NALCN: variants seen among roughly 807,000 people sequenced by gnomAD.
The protein encoded by NALCN is sodium leak channel, non-selective.
NALCN carries 111 observed loss-of-function variants against 225.3 expected under a neutral mutation model. The ratio of observed to expected loss-of-function variants is 0.49; its 90% confidence interval spans 0.42 to 0.58. The LOEUF is 0.58. Among genes scored for constraint, NALCN ranks in the 20% least tolerant of loss-of-function variants. NALCN has a pLI of 0.00. For synonymous variants in NALCN, 764 were observed against 769.0 expected, an observed-to-expected ratio of 0.99 and a Z score of 0.11; for missense variants, 1,378 against 2,202.4, an observed-to-expected ratio of 0.63 and a Z score of 7.49.
At chr13:101,246,182 C>A (rs1042078369) in intron 11 of NALCN, among the ~76,000 whole-genome samples, 8 of 152,106 alleles carry the variant, frequency 5.3e-5, no homozygotes, top group Non-Finnish European at 8.8e-5. Context: ...AGACCCTCTA[C>A]CAGTAACAAC....
At chr13:101,416,901 G>A (rs1278655140), upstream of NALCN, among the ~76,000 whole-genome samples, 1 of 152,158 alleles carries the variant, frequency 6.6e-6, no homozygotes, top group African/African-American at 2.4e-5. Flanking sequence ...GACTGTGCAC[G>A]GTACCGAGGA....
At chr13:101,343,963 G>A (rs2045637524) in intron 7 of NALCN, among the ~76,000 whole-genome samples, 1 of 152,158 alleles carries the variant, frequency 6.6e-6, no homozygotes. Context: ...ACCCTGGAAT[G>A]GTGACCACTC....
At chr13:101,085,705 C>A (rs2033897221) in intron 30 of NALCN, among the ~76,000 whole-genome samples, 1 of 152,012 alleles carries the variant, frequency 6.6e-6, no homozygotes, top group Non-Finnish European at 1.5e-5. Flanking sequence ...ATAATAAAGG[C>A]AAAAACATTA....
At chr13:101,279,831 TAAATAAA>T (rs2043100313) in intron 10 of NALCN, among the ~76,000 whole-genome samples, 1 of 91,400 alleles carries the variant, frequency 1.1e-5, no homozygotes, top group Non-Finnish European at 2.6e-5. Context: ...AATAAATAAA[TAAATAAA>T]ATAAATAAAT....
In NALCN at chr13:101,399,134, T is replaced by C. The variant is rs781661038; in HGVS notation, c.-8A>G. On this transcript the variant is annotated 5_prime_UTR_variant, in exon 2 of 44. The change abolishes the stop of an existing upstream ORF in the 5' untranslated region. Transcript: ENST00000251127. ...CTGCTTCCTTTTGAGCATGCTGAGG[T>C]TAGCTTTGGTGAGCAAGCACAAAAC... 3 of 1,612,654 alleles carry C rather than the reference T, an allele frequency of 1.9e-6. No individual in the cohort carries two copies. The highest frequency in any genetic ancestry group is 2.5e-6 in the Non-Finnish European group (3 of 1,179,242).
At chr13:101,185,453 A>C (rs1193212295) in intron 14 of NALCN, among the ~76,000 whole-genome samples, 1 of 152,242 alleles carries the variant, frequency 6.6e-6, no homozygotes, top group Non-Finnish European at 1.5e-5. Context: ...ATAGACAGAA[A>C]AACATTGCAG....
chr13:101,408,126 G>A (rs1463732763), intron 1 of NALCN, among the ~76,000 whole-genome samples: 5 of 152,164 alleles, frequency 3.3e-5, no homozygotes, highest in African/African-American at 1.2e-4. Context: ...ATACTTTGCT[G>A]TCCATGTCTT....
At chr13:101,327,862 C>G (rs761010819) in intron 7 of NALCN, among the ~76,000 whole-genome samples, 1 of 152,122 alleles carries the variant, frequency 6.6e-6, no homozygotes, top group Non-Finnish European at 1.5e-5. Context: ...TACCTTTATT[C>G]TAGTCTGGGG....
chr13:101,366,817 T>C (rs2046388097), intron 6 of NALCN, among the ~76,000 whole-genome samples: 1 of 152,212 alleles, frequency 6.6e-6, no homozygotes, highest in Non-Finnish European at 1.5e-5. Context: ...TTGACATATA[T>C]AACGCATTAT....
chr13:101,186,667 G>A (rs1453904521), intron 14 of NALCN, among the ~76,000 whole-genome samples: 1 of 151,960 alleles, frequency 6.6e-6, no homozygotes. Context: ...AAATTTAAAA[G>A]TTTGAACAGT....
chr13:101,250,796 G>A (rs1404678614), intron 11 of NALCN, among the ~76,000 whole-genome samples: 1 of 151,792 alleles, frequency 6.6e-6, no homozygotes, highest in Non-Finnish European at 1.5e-5. Context: ...CAAGCTGAAG[G>A]CTGGGAGATG....
chr13:101,321,892 G>T (rs2044758127), intron 7 of NALCN, among the ~76,000 whole-genome samples: 1 of 152,032 alleles, frequency 6.6e-6, no homozygotes, highest in African/African-American at 2.4e-5. Context: ...TCATAAAAAA[G>T]ACTTTGCTGT....
At chr13:101,274,278 C>T (rs535229774) in intron 10 of NALCN, among the ~76,000 whole-genome samples, 4 of 152,108 alleles carry the variant, frequency 2.6e-5, no homozygotes, top group East Asian at 1.9e-4. Flanking sequence ...CAATGTCCAT[C>T]GATAGTGGAA....
rs34583741 is a variant in NALCN, at chr13:101,056,246, CTTTTTTTTTTTT to C, written c.5024-770_5024-759del. Among the ~76,000 whole-genome samples the C allele has an allele frequency of 3.4e-3, 157 of 45,856 alleles. 1 individual carries two copies. The highest frequency in any genetic ancestry group is 0.02 in the Middle Eastern group (1 of 50). The allele number at this position is 45,856 out of a possible 152,430, so 30.1% of individuals were successfully genotyped here. On this transcript the variant is annotated intron_variant, in intron 43 of 43. Transcript: ENST00000251127. ...ACCTAGGCATGGACCAGTGGAAGTA[CTTTTTTTTTTTT>C]TTTTTTTTTTTTTTTTTTGGGAGAC...
intron 13 of NALCN, among the ~76,000 whole-genome samples, chr13:101,223,601 C>G (rs2041029354): frequency 6.6e-6 from 1 of 152,092 alleles, no homozygotes; most frequent in Admixed American, 6.5e-5. Flanking sequence ...GCTACACATC[C>G]CCTATCGACC....
rs58640505 is a variant in NALCN, at chr13:101,380,857, AACACACAC to A, written c.292-2212_292-2205del. On this transcript the variant is annotated intron_variant, in intron 3 of 43. Transcript: ENST00000251127. The stretch of plus-strand genomic sequence containing the variant: ...ATTAGAGGATATATAATGCCTAGCT[AACACACAC>A]ACACACACACACACACACACACACA... Among the ~76,000 whole-genome samples, 1,307 of 145,606 alleles carry A rather than the reference AACACACAC, an allele frequency of 9.0e-3. 27 individuals carry two copies. The highest frequency in any genetic ancestry group is 0.085 in the East Asian group (421 of 4,932).
rs2584527 is a variant in NALCN at position 101,179,258 on chromosome 13, C to T, written c.1765-2884G>A. On this transcript the variant is annotated intron_variant, in intron 14 of 43. Transcript: ENST00000251127. ...GCAACTGCCAGCCCACAGTGAGTTTCGGTGCTCTCGTTTGTAAAATATTAC... is the reference window on the plus strand; with the variant it reads ...GCAACTGCCAGCCCACAGTGAGTTTTGGTGCTCTCGTTTGTAAAATATTAC... Among the ~76,000 whole-genome samples the T allele has an allele frequency of 7.6e-3, 1,163 of 152,246 alleles. 12 individuals are homozygous for T. The highest frequency in any genetic ancestry group is 0.026 in the African/African-American group (1,063 of 41,552).
chr13:101,085,150 T>C (rs961116572), intron 30 of NALCN, among the ~76,000 whole-genome samples: 1 of 152,164 alleles, frequency 6.6e-6, no homozygotes, highest in Non-Finnish European at 1.5e-5. Flanking sequence ...TTTTTAATGG[T>C]TTGTAGAGAT....
At chr13:101,116,101 C>G (rs647920) in intron 18 of NALCN, among the ~76,000 whole-genome samples, 33,035 of 151,968 alleles carry the variant, frequency 0.22, 5,332 homozygotes, top group African/African-American at 0.45. Flanking sequence ...GTTATGCCCT[C>G]TCTACCTTTG....
Sources: gnomAD v4.1 joint callset for allele counts (sites outside exome capture counted in the v4.1 genomes callset) on GRCh38, gnomAD v4.1.1 for gene constraint, MANE v1.5 for transcripts, NCBI Gene and HGNC (gene_info 2026-07-23, HGNC 2026-07-21) for gene names.